The following DLC1 variants were observed in gnomAD, a reference collection of about 807,000 sequenced individuals.
DLC1 encodes DLC1 Rho GTPase activating protein, also known as rho GTPase-activating protein 7.
In DLC1, 54 loss-of-function variants were observed where a neutral mutation model predicts 140.3. The observed-to-expected ratio is 0.38, with a 90% CI of 0.31 to 0.48. The LOEUF is 0.48. Ranked by LOEUF, DLC1 falls within the 20% of genes least tolerant of loss-of-function variation. DLC1 has a pLI of 0.96. For missense variants in DLC1, 2,536 were observed against 1,907.0 expected, an observed-to-expected ratio of 1.33 and a Z score of -6.14; for synonymous variants, 986 against 728.1, an observed-to-expected ratio of 1.35 and a Z score of -5.70.
intron 7 of DLC1, among the ~76,000 whole-genome samples, chr8:13,107,696 A>G (rs1156419875): frequency 1.3e-5 from 2 of 152,210 alleles, no homozygotes; most frequent in Admixed American, 6.5e-5. Context: ...TCACATAATC[A>G]GTACAACAAC....
At chr8:13,398,723 C>A (rs1295436021) in intron 3 of DLC1, among the ~76,000 whole-genome samples, 10 of 151,848 alleles carry the variant, frequency 6.6e-5, no homozygotes, top group African/African-American at 2.4e-4. Flanking sequence ...GAATTTGAAC[C>A]TAAGTGAGAG....
chr8:13,128,426 A>G (rs1821769227), intron 5 of DLC1, among the ~76,000 whole-genome samples: 1 of 152,178 alleles, frequency 6.6e-6, no homozygotes, highest in African/African-American at 2.4e-5. Context: ...GCACTCTAAC[A>G]TTACAGCTGC....
At chr8:13,567,534 G>T (rs1454806526) in intron 1 of DLC1, 2 of 1,551,664 alleles carry the variant, frequency 1.3e-6, no homozygotes, top group East Asian at 2.4e-5. Context: ...TTAAAAACAT[G>T]AGGACAACGC....
At chr8:13,202,152 G>T (rs1019559420) in intron 5 of DLC1, among the ~76,000 whole-genome samples, 3 of 152,028 alleles carry the variant, frequency 2.0e-5, no homozygotes, top group African/African-American at 7.3e-5. Flanking sequence ...CACCATGTCG[G>T]CCAGGATGGT....
At chr8:13,367,112 T>C (rs1835521431) in intron 4 of DLC1, among the ~76,000 whole-genome samples, 1 of 152,178 alleles carries the variant, frequency 6.6e-6, no homozygotes, top group Non-Finnish European at 1.5e-5. Flanking sequence ...ACTCAGTGTA[T>C]TTGTGTCTCT....
intron 2 of DLC1, among the ~76,000 whole-genome samples, chr8:13,465,564 C>T (rs987218778): frequency 6.6e-6 from 1 of 151,582 alleles, no homozygotes; most frequent in African/African-American, 2.4e-5. Context: ...CATTTTTTTG[C>T]CCGTTCTTCT....
chr8:13,298,485 C>A (rs146327238), intron 5 of DLC1, among the ~76,000 whole-genome samples: 1 of 152,252 alleles, frequency 6.6e-6, no homozygotes, highest in East Asian at 1.9e-4. Context: ...TGATTAACAC[C>A]TGTTTTACAG....
intron 3 of DLC1, among the ~76,000 whole-genome samples, chr8:13,395,215 A>G (rs1026245696): frequency 9.3e-5 from 14 of 150,944 alleles, no homozygotes; most frequent in Non-Finnish European, 1.5e-4. Context: ...CCACCTCCTG[A>G]GTTCATGCAA....
At chr8:13,337,535 G>C (rs569826201) in intron 4 of DLC1, among the ~76,000 whole-genome samples, 2 of 152,166 alleles carry the variant, frequency 1.3e-5, no homozygotes, top group African/African-American at 4.8e-5. Flanking sequence ...GTAAATAGAT[G>C]GAAAAATTAG....
At chr8:13,455,815 G>A (rs1799359364) in intron 2 of DLC1, among the ~76,000 whole-genome samples, 1 of 152,150 alleles carries the variant, frequency 6.6e-6, no homozygotes, top group Non-Finnish European at 1.5e-5. Flanking sequence ...ATTGAAGTCT[G>A]CAATGAGCTA....
intron 2 of DLC1, among the ~76,000 whole-genome samples, chr8:13,424,220 C>T (rs868809428): frequency 3.3e-5 from 5 of 152,060 alleles, no homozygotes; most frequent in Non-Finnish European, 5.9e-5. Flanking sequence ...AAATCAAGGC[C>T]GGGTTCGGTG....
chr8:13,093,126 C>A (rs1461050198), intron 12 of DLC1, among the ~76,000 whole-genome samples: 2 of 142,426 alleles, frequency 1.4e-5, no homozygotes, highest in African/African-American at 2.5e-5. Flanking sequence ...GTTTACAGAA[C>A]AGTTTTTTCT....
chr8:13,369,087 G>A (rs1266171930), intron 4 of DLC1, among the ~76,000 whole-genome samples: 2 of 152,132 alleles, frequency 1.3e-5, no homozygotes, highest in African/African-American at 2.4e-5. Flanking sequence ...CTTTGATGAT[G>A]TTTAGAGAAT....
rs147482628 is a variant in DLC1 at position 13,500,033 on chromosome 8, A to G, written c.39T>C (p.His13=). The change falls in exon 2 of 18, where the codon CAT becomes CAC. Residue 13 remains histidine (H), a synonymous_variant. Transcript: ENST00000276297. ...AAGGCTGTCCCATCCAGTGGGTCACATGTTCTTCCCAGCTTCTCTTTCTGA... is the reference window on the plus strand; with the variant it reads ...AAGGCTGTCCCATCCAGTGGGTCACGTGTTCTTCCCAGCTTCTCTTTCTGA... ...VAIRKRSWEE[H]VTHWMGQPFN... The G allele has an allele frequency of 2.0e-5, 32 of 1,613,926 alleles. No homozygotes were observed. Among genetic ancestry groups the G allele is most frequent in the Non-Finnish European group, 2.5e-5 (30 of 1,179,938 alleles).
intron 2 of DLC1, among the ~76,000 whole-genome samples, chr8:13,481,695 C>G (rs1800745378): frequency 6.6e-6 from 1 of 152,126 alleles, no homozygotes; most frequent in East Asian, 1.9e-4. Context: ...ATAGGTTGAA[C>G]TGGACCCCTC....
At chr8:13,454,978 T>A (rs1167406389) in intron 2 of DLC1, among the ~76,000 whole-genome samples, 1 of 152,170 alleles carries the variant, frequency 6.6e-6, no homozygotes, top group Non-Finnish European at 1.5e-5. Context: ...GATCTAGTTT[T>A]TTTTTGTTGT....
chr8:13,424,393 A>G (rs1333737673), intron 2 of DLC1, among the ~76,000 whole-genome samples: 2 of 151,886 alleles, frequency 1.3e-5, no homozygotes. Context: ...GGAGGCTGAG[A>G]CAGGAGAATT....
At chr8:13,341,003 A>C (rs1415468444) in intron 4 of DLC1, 1 of 152,208 alleles carries the variant, frequency 6.6e-6, no homozygotes, top group East Asian at 1.9e-4. Context: ...ACATCGAGCT[A>C]TGGGGATATT....
At chr8:13,208,120 C>T (rs1398089764) in intron 5 of DLC1, among the ~76,000 whole-genome samples, 1 of 152,136 alleles carries the variant, frequency 6.6e-6, no homozygotes, top group Non-Finnish European at 1.5e-5. Context: ...TCTCAGTGAG[C>T]AACGTCACAT....
Sources: allele counts gnomAD v4.1 joint callset (sites outside exome capture counted in the v4.1 genomes callset), GRCh38; gene constraint gnomAD v4.1.1; transcripts MANE v1.5; gene names NCBI Gene and HGNC (gene_info 2026-07-23, HGNC 2026-07-21).